TMEM132B: variants seen among roughly 807,000 people sequenced by gnomAD.
TMEM132B encodes transmembrane protein 132B.
TMEM132B carries 18 observed loss-of-function variants against 90.8 expected under a neutral mutation model. That is an observed-to-expected ratio of 0.20 (90% CI 0.14 to 0.29). TMEM132B has a LOEUF of 0.29. Among genes scored for constraint, TMEM132B ranks in the 10% least tolerant of loss-of-function variants. TMEM132B has a pLI of 1.00. For missense variants in TMEM132B, 1,096 were observed against 1,326.8 expected (o/e 0.83, Z 2.70); for synonymous variants, 504 against 523.3 (o/e 0.96, Z 0.50).
At chr12:125,625,281 C>T (rs1015361320) in intron 5 of TMEM132B, among the ~76,000 whole-genome samples, 1 of 151,836 alleles carries the variant, frequency 6.6e-6, no homozygotes, top group Non-Finnish European at 1.5e-5. Flanking sequence ...TACAGGCGCC[C>T]GCCCCCACGC....
chr12:125,573,571 T>C (rs2345462), intron 4 of TMEM132B, among the ~76,000 whole-genome samples: 144,975 of 152,314 alleles, frequency 0.95, 69,040 homozygotes, highest in African/African-American at 0.98. Flanking sequence ...AAGTTACTTG[T>C]GACTCCTAAA....
At chr12:125,488,136 T>C (rs1256030357) in intron 3 of TMEM132B, among the ~76,000 whole-genome samples, 1 of 152,182 alleles carries the variant, frequency 6.6e-6, no homozygotes, top group Admixed American at 6.5e-5. Flanking sequence ...CTTCTTAATT[T>C]GATAGACAGT....
intron 5 of TMEM132B, among the ~76,000 whole-genome samples, chr12:125,593,650 G>T (rs932667817): frequency 2.0e-5 from 3 of 152,162 alleles, no homozygotes; most frequent in Admixed American, 6.5e-5. Flanking sequence ...AACTAGGAGG[G>T]AAGGGGACTC....
Position 125,650,899 on chromosome 12 carries a change from G to C in TMEM132B, c.1860G>C (p.Gln620His). 6.2e-7 allele frequency: 1 copy of C among 1,613,652 alleles called. No individual in the cohort carries two copies. The highest frequency in any genetic ancestry group is 8.5e-7 in the Non-Finnish European group (1 of 1,180,004). Residue 620 changes from glutamine to histidine, a missense_variant, in exon 7 of 9, where the codon CAG becomes CAC. By Grantham distance (24) the Gln-to-His change is conservative. Coordinates refer to ENST00000682704, the MANE Select transcript of TMEM132B (RefSeq NM_001366854.1). ...FMKVEEPKIA[Q>H]LQDGRTLAGR... is the part of the protein sequence containing the mutation. ...AGGTGGAGGAGCCGAAAATCGCTCA[G>C]TTACAGGACGGCAGGACCCTGGCTG...
intron 4 of TMEM132B, among the ~76,000 whole-genome samples, chr12:125,559,236 C>T (rs1298822912): frequency 1.3e-5 from 2 of 152,186 alleles, no homozygotes; most frequent in Non-Finnish European, 2.9e-5. Flanking sequence ...TGTGGTGGCT[C>T]ACACCTGTAG....
intron 3 of TMEM132B, among the ~76,000 whole-genome samples, chr12:125,429,986 ATTC>A (rs1021570942): frequency 2.6e-5 from 4 of 152,152 alleles, no homozygotes; most frequent in African/African-American, 9.7e-5. Flanking sequence ...TGTATTTGGA[ATTC>A]TTCTTGCAGC....
chr12:125,398,437 T>C (rs1305590838), intron 2 of TMEM132B, among the ~76,000 whole-genome samples: 1 of 152,214 alleles, frequency 6.6e-6, no homozygotes, highest in Non-Finnish European at 1.5e-5. Context: ...CATTTCCTTC[T>C]AAGTCAATGC....
intron 5 of TMEM132B, among the ~76,000 whole-genome samples, chr12:125,588,598 G>C (rs1885233448): frequency 6.6e-6 from 1 of 151,538 alleles, no homozygotes; most frequent in African/African-American, 2.4e-5. Flanking sequence ...AAAGTGCTGA[G>C]ATTACAGGCA....
intron 5 of TMEM132B, among the ~76,000 whole-genome samples, chr12:125,622,014 C>G (rs1886125473): frequency 6.6e-6 from 1 of 152,214 alleles, no homozygotes; most frequent in Non-Finnish European, 1.5e-5. Context: ...TCTCTCTGAA[C>G]ATAGTCCTTG....
chr12:125,368,327 T>C (rs796174340), intron 2 of TMEM132B, among the ~76,000 whole-genome samples: 1 of 152,314 alleles, frequency 6.6e-6, no homozygotes, highest in African/African-American at 2.4e-5. Flanking sequence ...TATGAGGTTG[T>C]GCATAATTTT....
intron 1 of TMEM132B, among the ~76,000 whole-genome samples, chr12:125,223,634 A>T (rs1227313138): frequency 1.3e-5 from 2 of 152,200 alleles, no homozygotes; most frequent in African/African-American, 2.4e-5. Flanking sequence ...CCAAAATAAA[A>T]TCACACCGTT....
chr12:125,215,916 C>G (rs913204267), intron 1 of TMEM132B, among the ~76,000 whole-genome samples: 3 of 152,264 alleles, frequency 2.0e-5, no homozygotes, highest in Admixed American at 1.3e-4. Flanking sequence ...AGAGCCTTAA[C>G]TTGATCACAG....
chr12:125,429,856 A>T (rs987661136), intron 3 of TMEM132B, among the ~76,000 whole-genome samples: 3 of 152,140 alleles, frequency 2.0e-5, no homozygotes, highest in African/African-American at 7.2e-5. Flanking sequence ...CTGTAAAGTT[A>T]CTTTTCCCTG....
intron 1 of TMEM132B, among the ~76,000 whole-genome samples, chr12:125,222,775 G>A (rs766207157): frequency 6.6e-6 from 1 of 152,192 alleles, no homozygotes; most frequent in Non-Finnish European, 1.5e-5. Flanking sequence ...CTAGATGCCA[G>A]TAGTACCACC....
intron 2 of TMEM132B, among the ~76,000 whole-genome samples, chr12:125,380,986 C>T (rs1976941): frequency 0.033 from 5,037 of 152,232 alleles, 291 homozygotes; most frequent in African/African-American, 0.11. Flanking sequence ...TTTAAATGCT[C>T]AGAGTTGCTT....
At chr12:125,278,478 T>TTTG (rs1555235658) in intron 1 of TMEM132B, among the ~76,000 whole-genome samples, 1 of 28,236 alleles carries the variant, frequency 3.5e-5, no homozygotes, top group Non-Finnish European at 5.8e-5. Context: ...AATCTCCATC[T>TTTG]TTTTTTTTTT....
intron 3 of TMEM132B, among the ~76,000 whole-genome samples, chr12:125,489,570 C>T (rs1376283659): frequency 6.6e-6 from 1 of 151,934 alleles, no homozygotes; most frequent in East Asian, 1.9e-4. Flanking sequence ...CCAAACCCAG[C>T]TAATTTTAAT....
intron 3 of TMEM132B, among the ~76,000 whole-genome samples, chr12:125,471,864 A>G (rs146425654): frequency 1.2e-3 from 185 of 152,322 alleles, no homozygotes; most frequent in African/African-American, 3.9e-3. Context: ...TCCAAGTCAC[A>G]CAAGGGGTAC....
intron 5 of TMEM132B, among the ~76,000 whole-genome samples, chr12:125,637,281 C>T (rs1450626963): frequency 5.3e-5 from 8 of 152,210 alleles, no homozygotes; most frequent in Admixed American, 5.2e-4. Context: ...ACTCAACATA[C>T]AGCGGGGATC....
Sources: gnomAD v4.1 joint callset for allele counts (sites outside exome capture counted in the v4.1 genomes callset) on GRCh38, gnomAD v4.1.1 for gene constraint, MANE v1.5 for transcripts, NCBI Gene and HGNC (gene_info 2026-07-23, HGNC 2026-07-21) for gene names.